The following ALG14 variants were observed in gnomAD, a reference collection of about 807,000 sequenced individuals.
The protein encoded by ALG14 is ALG14 UDP-N-acetylglucosaminyltransferase subunit.
A neutral mutation model predicts 22.8 loss-of-function variants in ALG14; 17 were observed. The ratio of observed to expected loss-of-function variants is 0.75; its 90% CI spans 0.51 to 1.12. The LOEUF is 1.12. Among genes scored for constraint, ALG14 ranks in the 50% most tolerant of loss-of-function variants. The pLI is 0.00. For synonymous variants in ALG14, 89 were observed against 103.7 expected (o/e 0.86, Z 0.86); for missense variants, 288 against 271.8 (o/e 1.06, Z -0.42).
At chr1:95,015,937 AT>A (rs1673485483) in intron 3 of ALG14, among the ~76,000 whole-genome samples, 1 of 152,220 alleles carries the variant, frequency 6.6e-6, no homozygotes, top group South Asian at 2.1e-4. Flanking sequence ...GGAAGAGAAT[AT>A]TTAACTTAAT....
intron 3 of ALG14, among the ~76,000 whole-genome samples, chr1:94,989,262 T>C (rs921820371): frequency 1.3e-4 from 20 of 152,194 alleles, no homozygotes; most frequent in African/African-American, 4.6e-4. Context: ...GAGTGAGAGG[T>C]TGGAAGAAGT....
chr1:95,045,280 C>T (rs74103604), intron 2 of ALG14, among the ~76,000 whole-genome samples: 7,097 of 152,040 alleles, frequency 0.047, 222 homozygotes, highest in South Asian at 0.084. Context: ...CCTCTTATTT[C>T]GACTTAGGTG....
intron 3 of ALG14, among the ~76,000 whole-genome samples, chr1:95,011,693 G>A (rs754958359): frequency 6.6e-6 from 1 of 152,034 alleles, no homozygotes; most frequent in Non-Finnish European, 1.5e-5. Context: ...GGGATTACAG[G>A]TGTGAGCCGC....
chr1:94,985,989 C>CA (rs1427785278), intron 3 of ALG14, among the ~76,000 whole-genome samples: 4 of 151,432 alleles, frequency 2.6e-5, no homozygotes, highest in Admixed American at 2.0e-4. Flanking sequence ...GCAGCCTAGG[C>CA]AAAAAAATAA....
intron 3 of ALG14, among the ~76,000 whole-genome samples, chr1:95,026,500 GTGTA>G (rs1301083444): frequency 4.7e-4 from 71 of 149,488 alleles, no homozygotes; most frequent in African/African-American, 1.4e-3. Context: ...GTGTGTGTGT[GTGTA>G]TGTGTGTGTG....
intron 3 of ALG14, among the ~76,000 whole-genome samples, chr1:94,984,914 A>G (rs1051471563): frequency 1.3e-5 from 2 of 152,170 alleles, no homozygotes; most frequent in African/African-American, 4.8e-5. Context: ...CGTCACAGCA[A>G]TCATAATTTG....
chr1:95,056,002 C>T (rs1207563704), intron 2 of ALG14, among the ~76,000 whole-genome samples: 1 of 140,574 alleles, frequency 7.1e-6, no homozygotes, highest in Non-Finnish European at 1.5e-5. Context: ...GAGTGAGACT[C>T]TGTCTCAAAA....
Position 95,066,740 on chromosome 1 carries a change from AC to A in ALG14, c.137-1724del, listed in dbSNP as rs1675382825. Among the ~76,000 whole-genome samples the A allele has an allele frequency of 2.6e-5, 4 of 152,270 alleles. No homozygotes were observed. In the South Asian group the frequency reaches 8.3e-4, roughly 32 times the overall value. ...ATCTTTGGTTTAGCCTCGAAAAAAAACAAAAAAGTTAGGCCAGGTGCGGTGG... is the reference window on the plus strand; with the variant it reads ...ATCTTTGGTTTAGCCTCGAAAAAAAAAAAAAAGTTAGGCCAGGTGCGGTGG... On this transcript the variant is annotated intron_variant, in intron 1 of 3. Transcript: ENST00000370205.
At chr1:95,024,328 C>T (rs1316717052) in intron 3 of ALG14, among the ~76,000 whole-genome samples, 1 of 152,116 alleles carries the variant, frequency 6.6e-6, no homozygotes, top group Non-Finnish European at 1.5e-5. Context: ...TTCAAGTCTA[C>T]CTGTTGTTTC....
At chr1:95,022,645 C>A (rs1673697912) in intron 3 of ALG14, among the ~76,000 whole-genome samples, 1 of 152,176 alleles carries the variant, frequency 6.6e-6, no homozygotes, top group Admixed American at 6.5e-5. Context: ...AAACAAATGG[C>A]TCCCAATTAT....
At chr1:95,027,290 A>G (rs2100772221) in intron 2 of ALG14, 30 bp from the exon 3 acceptor site, 1 of 1,609,938 alleles carries the variant, frequency 6.2e-7, no homozygotes, top group Middle Eastern at 1.7e-4. Context: ...ATCCAAATCA[A>G]CTGAGTCACT....
At chr1:95,030,998 A>G (rs923219718) in intron 2 of ALG14, among the ~76,000 whole-genome samples, 5 of 152,216 alleles carry the variant, frequency 3.3e-5, no homozygotes, top group African/African-American at 1.2e-4. Flanking sequence ...TGGATGTACC[A>G]TACAAGGAGC....
At chr1:94,993,869 T>C (rs1672841884) in intron 3 of ALG14, among the ~76,000 whole-genome samples, 1 of 152,224 alleles carries the variant, frequency 6.6e-6, no homozygotes, top group Non-Finnish European at 1.5e-5. Flanking sequence ...TTTCAGTGCA[T>C]GTCAGTAGCA....
chr1:95,061,638 A>C (rs536984681), intron 2 of ALG14: 1 of 152,374 alleles, frequency 6.6e-6, no homozygotes, highest in South Asian at 2.1e-4. Flanking sequence ...TGAAGGCAGC[A>C]CCAGACACTG....
At chr1:95,059,686 AT>A (rs2100830678) in intron 2 of ALG14, among the ~76,000 whole-genome samples, 1 of 152,124 alleles carries the variant, frequency 6.6e-6, no homozygotes, top group East Asian at 2.0e-4. Flanking sequence ...ACTTTCTGCA[AT>A]GATAAAAATG....
At chr1:95,040,414 T>C (rs894886521) in intron 2 of ALG14, among the ~76,000 whole-genome samples, 2 of 152,124 alleles carry the variant, frequency 1.3e-5, no homozygotes, top group Non-Finnish European at 2.9e-5. Flanking sequence ...TCGGCACCCA[T>C]TGTTTCCCTT....
chr1:95,030,197 A>T (rs1314209019), intron 2 of ALG14, among the ~76,000 whole-genome samples: 1 of 152,218 alleles, frequency 6.6e-6, no homozygotes, highest in Admixed American at 6.5e-5. Context: ...AAAACATATT[A>T]ATATCTCTGC....
intron 2 of ALG14, among the ~76,000 whole-genome samples, chr1:95,064,038 C>T (rs1369112831): frequency 1.3e-5 from 2 of 152,030 alleles, no homozygotes; most frequent in Non-Finnish European, 2.9e-5. Context: ...ATTCTTTTTG[C>T]AGTGATTGTG....
At position 95,027,136 on chromosome 1, in the gene ALG14, G is replaced by C. The variant is rs1192781364; in HGVS notation, c.413C>G (p.Pro138Arg). 6 of 1,613,888 alleles carry C rather than the reference G, an allele frequency of 3.7e-6. No individual in the cohort carries two copies. The highest frequency in any genetic ancestry group is 5.1e-6 in the Non-Finnish European group (6 of 1,179,974). The change falls in exon 3 of 4, where the codon CCA becomes CGA. Residue 138 changes from proline to arginine, a missense_variant. Pro to Arg is a moderately radical substitution (Grantham distance 103, BLOSUM62 -2). Transcript: ENST00000370205. ...LSFPLIHRVK[P>R]DLVLCNGPGT... The stretch of plus-strand genomic sequence containing the variant: ...AGTGATGGTCTTACTTACCAAATCT[G>C]GCTTCACCCTGTGAATTAGGGGAAA...
Sources: allele counts gnomAD v4.1 joint callset (sites outside exome capture counted in the v4.1 genomes callset), GRCh38; gene constraint gnomAD v4.1.1; transcripts MANE v1.5; gene names NCBI Gene and HGNC (gene_info 2026-07-23, HGNC 2026-07-21).